PATJ: variants seen among roughly 807,000 people sequenced by gnomAD.
The protein encoded by PATJ is PATJ crumbs cell polarity complex component.
Under a neutral mutation model 224.9 loss-of-function variants are expected in PATJ, and 190 were observed. The ratio of observed to expected loss-of-function variants is 0.84; its 90% CI spans 0.75 to 0.95. The LOEUF (loss-of-function observed/expected upper bound fraction) is 0.95. Ranked by LOEUF, PATJ falls within the 40% of genes least tolerant of loss-of-function variation. The probability of loss-of-function intolerance (pLI) is 0.00; values close to 1 mark genes in which losing one functional copy is unlikely to be tolerated. For synonymous variants in PATJ, 769 were observed against 820.3 expected, an observed-to-expected ratio of 0.94 and a Z score of 1.07; for missense variants, 2,121 against 2,270.3, an observed-to-expected ratio of 0.93 and a Z score of 1.34.
intron 27 of PATJ, among the ~76,000 whole-genome samples, chr1:61,933,776 C>A (rs1676392631): frequency 6.6e-6 from 1 of 152,158 alleles, no homozygotes; most frequent in Non-Finnish European, 1.5e-5. Flanking sequence ...TGACCTTTTA[C>A]CTTCTAGTCT....
At chr1:62,125,638 C>G (rs771262317) in intron 39 of PATJ, among the ~76,000 whole-genome samples, 1 of 152,160 alleles carries the variant, frequency 6.6e-6, no homozygotes, top group Non-Finnish European at 1.5e-5. Context: ...GCATAAATTT[C>G]TCCTCTAAGA....
intron 20 of PATJ, among the ~76,000 whole-genome samples, chr1:61,865,082 T>C (rs774931749): frequency 6.6e-6 from 1 of 152,178 alleles, no homozygotes; most frequent in South Asian, 2.1e-4. Flanking sequence ...GTGTTATGTA[T>C]GATGCTAAAA....
intron 31 of PATJ, among the ~76,000 whole-genome samples, chr1:62,055,251 C>A (rs1654350270): frequency 6.6e-6 from 1 of 152,092 alleles, no homozygotes; most frequent in Admixed American, 6.6e-5. Context: ...ATTCAGAAAG[C>A]CTCATGATGT....
In PATJ at chr1:62,116,635, G is replaced by A. The variant is rs758006039; in HGVS notation, c.4759G>A (p.Asp1587Asn). The change falls in exon 36 of 44, where the codon GAC becomes AAC. Residue 1587 changes from aspartate to asparagine, a missense_variant. Coordinates refer to ENST00000642238, the MANE Select transcript of PATJ (RefSeq NM_001350145.3). ...TCAGATCTTATCTGTGAATGGGGAG[G>A]ACATGAGAAATGCCTCACAGGAGAC... ...GDQILSVNGE[D>N]MRNASQETVA... The A allele has an allele frequency of 3.1e-6, 5 of 1,613,788 alleles. No homozygotes were observed. Among genetic ancestry groups the A allele is most frequent in the South Asian group, 1.1e-5 (1 of 91,032 alleles).
Position 61,977,095 on chromosome 1 carries a change from T to C in PATJ, c.3671-13073T>C, listed in dbSNP as rs563629652. 2.0e-5 allele frequency among the ~76,000 whole-genome samples: 3 copies of C among 152,228 alleles called. 1 individual carries two copies. The highest frequency in any genetic ancestry group is 4.8e-5 in the African/African-American group (2 of 41,460). Reference sequence around the variant, plus strand: ...ATGATAGTATTTTTTGTTTGTTTGCTTGTTTTTTTAGAGATGGGGTCTCAC... The same window carrying C: ...ATGATAGTATTTTTTGTTTGTTTGCCTGTTTTTTTAGAGATGGGGTCTCAC... On this transcript the variant is annotated intron_variant, in intron 27 of 43. Transcript: ENST00000642238.
intron 42 of PATJ, among the ~76,000 whole-genome samples, chr1:62,151,148 AAACAAC>A (rs10584674): frequency 3.3e-5 from 5 of 151,734 alleles, no homozygotes; most frequent in East Asian, 1.9e-4. Context: ...TCAAAAAACA[AAACAAC>A]AACAACAAGA....
intron 17 of PATJ, among the ~76,000 whole-genome samples, chr1:61,853,379 A>G (rs531357915): frequency 5.0e-4 from 76 of 152,300 alleles, no homozygotes; most frequent in Non-Finnish European, 9.0e-4. Context: ...AACTGCAGAG[A>G]TTGTTCACAA....
chr1:62,101,259 CTTTTTTTTTT>C (rs916854253), intron 33 of PATJ, among the ~76,000 whole-genome samples: 1 of 122,650 alleles, frequency 8.2e-6, no homozygotes, highest in African/African-American at 3.0e-5. Context: ...CTTTTCTTTT[CTTTTTTTTTT>C]TTTTTTTTTT....
chr1:61,748,475 C>T (rs770561185), intron 1 of PATJ, among the ~76,000 whole-genome samples: 5 of 151,012 alleles, frequency 3.3e-5, no homozygotes, highest in Non-Finnish European at 5.9e-5. Context: ...AGGCTGGTCT[C>T]GAACTCCTGA....
intron 13 of PATJ, among the ~76,000 whole-genome samples, chr1:61,805,792 C>G (rs1232453484): frequency 6.6e-6 from 1 of 152,170 alleles, no homozygotes; most frequent in Non-Finnish European, 1.5e-5. Flanking sequence ...CGACAATAGA[C>G]AGAAAACTGT....
In PATJ at chr1:61,797,441, C is replaced by T. The variant is rs12073408; in HGVS notation, c.1402+13C>T. The T allele has an allele frequency of 8.9e-3, 14,311 of 1,603,356 alleles. 576 individuals carry two copies. In the African/African-American group the frequency reaches 0.11, roughly 12 times the overall value. On this transcript the variant is annotated intron_variant, in intron 11 of 43. Transcript: ENST00000642238. ...CCTTCAGACAGAGGTGATTAATTTG[C>T]CACCCCTCTATCCCTCAAGTAGTTT... is the stretch of plus-strand genomic sequence containing the variant.
intron 17 of PATJ, among the ~76,000 whole-genome samples, chr1:61,842,217 A>T (rs1259480452): frequency 6.6e-6 from 1 of 152,194 alleles, no homozygotes; most frequent in Non-Finnish European, 1.5e-5. Flanking sequence ...TGTGTATATC[A>T]GCTTGAAATC....
At chr1:61,865,392 G>GT (rs1042535873) in intron 20 of PATJ, 31 of 144,544 alleles carry the variant, frequency 2.1e-4, no homozygotes, top group Middle Eastern at 6.9e-3. Flanking sequence ...GGCTAGTTTT[G>GT]TTTTTTTTTT....
At chr1:61,876,858 C>A (rs1042255515) in intron 21 of PATJ, among the ~76,000 whole-genome samples, 1 of 152,054 alleles carries the variant, frequency 6.6e-6, no homozygotes, top group Non-Finnish European at 1.5e-5. Context: ...TTTGGTTAAT[C>A]CAAAATTGTG....
chr1:62,054,017 T>A (rs1293722532), intron 31 of PATJ, among the ~76,000 whole-genome samples: 1 of 152,072 alleles, frequency 6.6e-6, no homozygotes, highest in Admixed American at 6.6e-5. Flanking sequence ...AGACAGTACA[T>A]CAATTAGCAA....
Position 61,875,260 on chromosome 1 carries a change from C to T in PATJ, c.2853C>T (p.Val951=). ...CTCTCAAGATGAAAGAAAATTTTGT[C>T]ATGGAGTCCCTACCATCTGTACCAT... The part of the protein sequence containing the change: ...CPENVMKENF[V]MESLPSVPST... The change falls in exon 21 of 44, where the codon GTC becomes GTT. Residue 951 remains valine (V), a synonymous_variant. Transcript: ENST00000642238. The T allele has an allele frequency of 1.9e-6, 3 of 1,593,532 alleles. No individual in the cohort carries two copies. The highest frequency in any genetic ancestry group is 2.3e-5 in the South Asian group (2 of 87,980).
chr1:61,828,488 C>G (rs1472428882), intron 16 of PATJ, among the ~76,000 whole-genome samples: 1 of 151,222 alleles, frequency 6.6e-6, no homozygotes, highest in African/African-American at 2.4e-5. Flanking sequence ...CTTCTGGGCT[C>G]AAGCAATCCT....
intron 29 of PATJ, among the ~76,000 whole-genome samples, chr1:62,022,562 A>G (rs1647147114): frequency 6.6e-6 from 1 of 152,218 alleles, no homozygotes. Flanking sequence ...TATTAACACA[A>G]CAAATGAATT....
intron 27 of PATJ, among the ~76,000 whole-genome samples, chr1:61,950,409 A>G (rs1002423930): frequency 6.6e-6 from 1 of 152,188 alleles, no homozygotes; most frequent in African/African-American, 2.4e-5. Flanking sequence ...TTTGATGTTC[A>G]GGGCCACATG....
Sources: gnomAD v4.1 joint callset for allele counts (sites outside exome capture counted in the v4.1 genomes callset) on GRCh38, gnomAD v4.1.1 for gene constraint, MANE v1.5 for transcripts, NCBI Gene and HGNC (gene_info 2026-07-23, HGNC 2026-07-21) for gene names.